Variants in CCDC63 observed in about 807,000 individuals in gnomAD.
The protein encoded by CCDC63 is coiled-coil domain-containing protein 63.
A neutral mutation model predicts 63.6 loss-of-function variants in CCDC63; 54 were observed. That is an observed-to-expected ratio of 0.85 (90% confidence interval 0.68 to 1.07). The LOEUF is 1.07. Among genes scored for constraint, CCDC63 ranks in the 50% least tolerant of loss-of-function variants. CCDC63 has a pLI of 0.00. For missense variants in CCDC63, 637 were observed against 689.6 expected (o/e 0.92, Z 0.86); for synonymous variants, 253 against 266.1 (o/e 0.95, Z 0.48).
intron 5 of CCDC63, among the ~76,000 whole-genome samples, chr12:110,878,635 A>G (rs2071162459): frequency 4.6e-5 from 7 of 152,104 alleles, no homozygotes; most frequent in Admixed American, 3.9e-4. Context: ...TCATCCATTC[A>G]TCTGTCAGTG....
At chr12:110,856,844 CTTTTTTTTTT>C (rs34855503) in intron 3 of CCDC63, among the ~76,000 whole-genome samples, 26 of 115,530 alleles carry the variant, frequency 2.3e-4, no homozygotes, top group African/African-American at 6.9e-4. Flanking sequence ...CCTTTCCTTT[CTTTTTTTTTT>C]TTTTTTTTTT....
At chr12:110,868,577 C>G (rs1335977036) in intron 4 of CCDC63, among the ~76,000 whole-genome samples, 5 of 151,622 alleles carry the variant, frequency 3.3e-5, no homozygotes, top group African/African-American at 1.2e-4. Context: ...CAAAACCAGT[C>G]AGGTGTGGCG....
intron 4 of CCDC63, among the ~76,000 whole-genome samples, chr12:110,872,514 A>G (rs1210046504): frequency 6.6e-6 from 1 of 152,248 alleles, no homozygotes; most frequent in Admixed American, 6.5e-5. Context: ...TTCCAAACAA[A>G]TCGAAGAATA....
chr12:110,862,980 C>G (rs1485320213), intron 4 of CCDC63, among the ~76,000 whole-genome samples: 1 of 151,946 alleles, frequency 6.6e-6, no homozygotes, highest in Non-Finnish European at 1.5e-5. Flanking sequence ...GGTCTCGAAC[C>G]CCTGACCTCA....
intron 3 of CCDC63, among the ~76,000 whole-genome samples, chr12:110,855,038 G>T (rs1011392335): frequency 6.6e-6 from 1 of 151,960 alleles, no homozygotes; most frequent in South Asian, 2.1e-4. Context: ...CAATCCGCCC[G>T]CCTAGGCCTC....
chr12:110,885,806 C>G (rs557056624), intron 8 of CCDC63, among the ~76,000 whole-genome samples: 1 of 152,302 alleles, frequency 6.6e-6, no homozygotes, highest in East Asian at 1.9e-4. Context: ...GGGGCATGCA[C>G]GCTGGCCATG....
At chr12:110,867,526 G>A (rs1415025975) in intron 4 of CCDC63, among the ~76,000 whole-genome samples, 2 of 128,298 alleles carry the variant, frequency 1.6e-5, no homozygotes, top group African/African-American at 3.1e-5. Flanking sequence ...CGGGCGGGGG[G>A]CTGACCCCCC....
intron 3 of CCDC63, among the ~76,000 whole-genome samples, chr12:110,855,115 C>T (rs2070754645): frequency 6.6e-6 from 1 of 152,188 alleles, no homozygotes; most frequent in Admixed American, 6.5e-5. Context: ...TTAGATTTTC[C>T]ATGGATTCAA....
upstream of CCDC63, chr12:110,846,764 T>C (rs1388120698): frequency 6.6e-6 from 1 of 152,214 alleles, no homozygotes; most frequent in Non-Finnish European, 1.5e-5. Flanking sequence ...AAGAAGTCAC[T>C]TAGCGTCATG....
At chr12:110,853,050 C>T in intron 2 of CCDC63, 87 bp downstream of exon 2, 1 of 1,426,412 alleles carries the variant, frequency 7.0e-7, no homozygotes, top group Non-Finnish European at 9.9e-7. Flanking sequence ...TCGTCTCATC[C>T]TGACAAACAG....
intron 8 of CCDC63, among the ~76,000 whole-genome samples, chr12:110,892,300 C>T (rs2071366570): frequency 6.6e-6 from 1 of 152,092 alleles, no homozygotes; most frequent in African/African-American, 2.4e-5. Flanking sequence ...CACAGTGGCT[C>T]TGTGCCACTG....
At chr12:110,869,855 C>T (rs1264882556) in intron 4 of CCDC63, among the ~76,000 whole-genome samples, 1 of 152,172 alleles carries the variant, frequency 6.6e-6, no homozygotes, top group East Asian at 1.9e-4. Flanking sequence ...ACATAATACC[C>T]AACCAAGAGA....
intron 8 of CCDC63, among the ~76,000 whole-genome samples, chr12:110,884,869 T>G (rs1313434355): frequency 5.1e-5 from 7 of 137,208 alleles, no homozygotes; most frequent in African/African-American, 1.8e-4. Context: ...TTTTTTTTTT[T>G]TGTATTTTTA....
chr12:110,858,769 T>G lies in CCDC63; in HGVS notation c.363T>G (p.Asp121Glu), dbSNP rs1271691659. ...KSLKVLLAELDEKILQMEKKI... is the reference protein window; with the variant it reads ...KSLKVLLAELEEKILQMEKKI... ...TGAAAGTGCTGTTGGCTGAACTGGA[T>G]GAGAAGGTGTGGTCTTTCTCTTAAA... Residue 121 changes from aspartate to glutamate, a missense_variant, in exon 4 of 12, where the codon GAT (aspartate) becomes GAG (glutamate). By Grantham distance (45) the Asp-to-Glu change is conservative. Transcript: ENST00000308208. The G allele has an allele frequency of 6.2e-7, 1 of 1,613,104 alleles. No homozygotes were observed. Among genetic ancestry groups the G allele is most frequent in the South Asian group, 1.1e-5 (1 of 90,874 alleles).
intron 11 of CCDC63, among the ~76,000 whole-genome samples, chr12:110,906,646 CAT>C (rs994763631): frequency 1.3e-5 from 2 of 151,950 alleles, no homozygotes; most frequent in African/African-American, 4.8e-5. Context: ...CACACACACA[CAT>C]GCACACAACA....
intron 8 of CCDC63, among the ~76,000 whole-genome samples, chr12:110,888,822 CTT>C (rs2071319265): frequency 1.2e-4 from 16 of 136,290 alleles, no homozygotes; most frequent in African/African-American, 4.5e-4. Context: ...TCCTTCCTTC[CTT>C]CCTTCCTTCC....
intron 4 of CCDC63, among the ~76,000 whole-genome samples, chr12:110,873,428 G>T (rs1186967287): frequency 6.6e-6 from 1 of 152,128 alleles, no homozygotes; most frequent in African/African-American, 2.4e-5. Context: ...CTTCATCATT[G>T]CAAGAGCCAA....
intron 11 of CCDC63, among the ~76,000 whole-genome samples, chr12:110,906,806 T>G (rs2071593416): frequency 1.3e-5 from 2 of 151,800 alleles, no homozygotes; most frequent in African/African-American, 4.8e-5. Context: ...GGGGGAGAGG[T>G]GGGCCAAGCT....
chr12:110,885,092 C>T (rs775281567), intron 8 of CCDC63, among the ~76,000 whole-genome samples: 1 of 151,602 alleles, frequency 6.6e-6, no homozygotes, highest in Non-Finnish European at 1.5e-5. Flanking sequence ...TTTTATTAAC[C>T]AGCATTCAGT....
Sources: gnomAD v4.1 joint callset for allele counts (sites outside exome capture counted in the v4.1 genomes callset) on GRCh38, gnomAD v4.1.1 for gene constraint, MANE v1.5 for transcripts, NCBI Gene and HGNC (gene_info 2026-07-23, HGNC 2026-07-21) for gene names.